OR2L13: variants seen among roughly 807,000 people sequenced by gnomAD.
OR2L13 encodes the protein olfactory receptor family 2 subfamily L member 13, also known as olfactory receptor 2L13.
Under a neutral mutation model 15.3 loss-of-function variants are expected in OR2L13, and 14 were observed. The ratio of observed to expected loss-of-function variants is 0.91; its 90% CI spans 0.60 to 1.43. The LOEUF (loss-of-function observed/expected upper bound fraction) is 1.43, where lower values mean the gene tolerates loss of function less well. OR2L13 is among the 40% of genes most tolerant of loss of function. The probability of loss-of-function intolerance (pLI) is 0.00; values close to 1 mark genes in which losing one functional copy is unlikely to be tolerated. For synonymous variants in OR2L13, 152 were observed against 142.9 expected, an observed-to-expected ratio of 1.06 and a Z score of -0.45; for missense variants, 367 against 387.9, an observed-to-expected ratio of 0.95 and a Z score of 0.45.
the OR2L13 span, among the ~76,000 whole-genome samples, chr1:247,977,091 CTT>C: frequency 9.8e-5 from 15 of 152,312 alleles, no homozygotes; most frequent in South Asian, 2.1e-4. Flanking sequence ...GTAATAATCT[CTT>C]TTCTCTATGG....
chr1:247,975,201 A>C, the OR2L13 span: 7 of 395,100 alleles, frequency 1.8e-5, no homozygotes, highest in African/African-American at 1.3e-4. Context: ...CTCTATCGAC[A>C]CTTGTGCTCA....
chr1:248,022,959 A>G, the OR2L13 span: 2 of 1,327,118 alleles, frequency 1.5e-6, no homozygotes, highest in South Asian at 1.5e-5. Flanking sequence ...GAAGAAAAAC[A>G]TTATTACATG....
At chr1:248,097,178 C>T (rs1401041434), upstream of OR2L13, 2 of 152,158 alleles carry the variant, frequency 1.3e-5, no homozygotes, top group African/African-American at 4.8e-5. Flanking sequence ...TCTTGTTCTC[C>T]AGGTTACTTG....
At chr1:247,994,797 G>A in the OR2L13 span, among the ~76,000 whole-genome samples, 1 of 152,134 alleles carries the variant, frequency 6.6e-6, no homozygotes, top group Admixed American at 6.5e-5. Context: ...TATAAGTTGA[G>A]TGTGGTAATC....
the OR2L13 span, among the ~76,000 whole-genome samples, chr1:247,952,853 TG>T: frequency 6.6e-6 from 1 of 152,116 alleles, no homozygotes; most frequent in African/African-American, 2.4e-5. Context: ...ACCATGGCCT[TG>T]GGGAAATCAT....
At chr1:248,000,519 C>T in the OR2L13 span, among the ~76,000 whole-genome samples, 8 of 152,166 alleles carry the variant, frequency 5.3e-5, no homozygotes, top group African/African-American at 9.7e-5. Context: ...ATCCATGCAA[C>T]GCAATGATGC....
At chr1:248,096,150 G>A (rs762190287), upstream of OR2L13, among the ~76,000 whole-genome samples, 20 of 151,838 alleles carry the variant, frequency 1.3e-4, no homozygotes, top group Non-Finnish European at 2.8e-4. Context: ...AGGCCGAGGT[G>A]GGCAGATCAC....
chr1:247,960,790 G>T, the OR2L13 span, among the ~76,000 whole-genome samples: 1 of 152,186 alleles, frequency 6.6e-6, no homozygotes, highest in Admixed American at 6.5e-5. Context: ...CCATTCGAAA[G>T]TGCAGTATTA....
chr1:247,981,847 G>A, the OR2L13 span, among the ~76,000 whole-genome samples: 7 of 148,870 alleles, frequency 4.7e-5, no homozygotes, highest in South Asian at 2.1e-4. Flanking sequence ...ACGGAGTCTC[G>A]CTCTGTCGCC....
At chr1:248,072,212 A>T in the OR2L13 span, among the ~76,000 whole-genome samples, 1 of 152,182 alleles carries the variant, frequency 6.6e-6, no homozygotes, top group Non-Finnish European at 1.5e-5. Context: ...GCATCACGCT[A>T]CCTGACTTCA....
the OR2L13 span, chr1:248,038,266 C>T: frequency 2.5e-6 from 4 of 1,593,320 alleles, no homozygotes; most frequent in African/African-American, 2.7e-5. Context: ...TAGGAATTCC[C>T]CATGGAAAAT....
the OR2L13 span, among the ~76,000 whole-genome samples, chr1:248,070,753 A>G: frequency 7.0e-4 from 106 of 152,308 alleles, no homozygotes; most frequent in African/African-American, 1.5e-3. Context: ...AAGAAAAGAG[A>G]GAAGAATCAA....
chr1:247,958,076 T>G, the OR2L13 span, among the ~76,000 whole-genome samples: 1 of 152,182 alleles, frequency 6.6e-6, no homozygotes, highest in African/African-American at 2.4e-5. Flanking sequence ...CTTGTGGGCA[T>G]TTAGTGCTAT....
At chr1:248,017,804 C>A in the OR2L13 span, among the ~76,000 whole-genome samples, 17 of 152,194 alleles carry the variant, frequency 1.1e-4, 1 homozygote, top group South Asian at 2.1e-3. Context: ...GATTCCGTCT[C>A]TAGAACTTCT....
At chr1:248,041,567 C>G in the OR2L13 span, 4 of 152,116 alleles carry the variant, frequency 2.6e-5, no homozygotes, top group Non-Finnish European at 5.9e-5. Context: ...TCAGAGTGAA[C>G]AGGCAACCTA....
At chr1:247,962,833 G>A in the OR2L13 span, among the ~76,000 whole-genome samples, 1 of 152,078 alleles carries the variant, frequency 6.6e-6, no homozygotes, top group Non-Finnish European at 1.5e-5. Flanking sequence ...AATATTTGAT[G>A]CAATTCCTTG....
At chr1:248,049,459 A>G in the OR2L13 span, among the ~76,000 whole-genome samples, 1 of 152,144 alleles carries the variant, frequency 6.6e-6, no homozygotes, top group Non-Finnish European at 1.5e-5. Flanking sequence ...AGGAGATTAT[A>G]TGGGTGTTTT....
the OR2L13 span, chr1:248,061,634 C>T: frequency 6.9e-6 from 11 of 1,601,666 alleles, no homozygotes; most frequent in East Asian, 2.5e-4. Context: ...CATTTTCTAC[C>T]TAAGGTCTCA....
the OR2L13 span, among the ~76,000 whole-genome samples, chr1:248,073,453 A>G: frequency 4.6e-5 from 7 of 151,900 alleles, no homozygotes; most frequent in Admixed American, 2.0e-4. Flanking sequence ...AGGAAGGGGA[A>G]CATCACACTC....
Sources: gnomAD v4.1 joint callset for allele counts (sites outside exome capture counted in the v4.1 genomes callset) on GRCh38, gnomAD v4.1.1 for gene constraint, MANE v1.5 for transcripts, NCBI Gene and HGNC (gene_info 2026-07-23, HGNC 2026-07-21) for gene names.